KIF26B: variants seen among roughly 807,000 people sequenced by gnomAD.
KIF26B encodes the protein kinesin-like protein KIF26B.
A neutral mutation model predicts 151.2 loss-of-function variants in KIF26B; 63 were observed. That is an observed-to-expected ratio of 0.42 (90% CI 0.34 to 0.51). The LOEUF (loss-of-function observed/expected upper bound fraction) is 0.51. Ranked by LOEUF, KIF26B falls within the 20% of genes least tolerant of loss-of-function variation. KIF26B has a pLI of 0.07. For missense variants in KIF26B, 2,813 were observed against 2,913.6 expected (o/e 0.97, Z 0.79); for synonymous variants, 1,357 against 1,262.1 (o/e 1.08, Z -1.59).
At chr1:245,464,212 C>T (rs1659713429) in intron 4 of KIF26B, among the ~76,000 whole-genome samples, 1 of 152,194 alleles carries the variant, frequency 6.6e-6, no homozygotes, top group South Asian at 2.1e-4. Context: ...ACTGCTAACC[C>T]ATTGAAGACC....
chr1:245,423,463 A>G (rs986374558), intron 4 of KIF26B, among the ~76,000 whole-genome samples: 1 of 148,276 alleles, frequency 6.7e-6, no homozygotes, highest in African/African-American at 2.6e-5. Context: ...ACACAGGAAG[A>G]CACTTTATTA....
At chr1:245,422,572 C>G (rs191107829) in intron 4 of KIF26B, among the ~76,000 whole-genome samples, 1 of 152,118 alleles carries the variant, frequency 6.6e-6, no homozygotes, top group Non-Finnish European at 1.5e-5. Context: ...GTTCAAAGAG[C>G]CTTTTGGTTT....
intron 6 of KIF26B, 98 bp from the exon 7 acceptor site, chr1:245,607,553 G>T: frequency 1.1e-6 from 1 of 922,098 alleles, no homozygotes; most frequent in Non-Finnish European, 1.7e-6. Context: ...AGTGACACTG[G>T]GACCCGAAGC....
chr1:245,163,985 C>CT (rs111743954), intron 2 of KIF26B, among the ~76,000 whole-genome samples: 108 of 152,158 alleles, frequency 7.1e-4, no homozygotes, highest in African/African-American at 2.4e-3. Context: ...AGTGTTTTCT[C>CT]TTTTTTGTTA....
intron 3 of KIF26B, among the ~76,000 whole-genome samples, chr1:245,403,514 G>A (rs1347342982): frequency 6.6e-6 from 1 of 152,016 alleles, no homozygotes; most frequent in Non-Finnish European, 1.5e-5. Context: ...CTTGAGCCTC[G>A]TCCCTTTTGG....
At chr1:245,444,883 C>T (rs1659212504) in intron 4 of KIF26B, among the ~76,000 whole-genome samples, 1 of 152,134 alleles carries the variant, frequency 6.6e-6, no homozygotes, top group South Asian at 2.1e-4. Context: ...TTCTTCGAAA[C>T]CAATAGCCAC....
chr1:245,576,452 CAAG>C (rs1181279365), intron 5 of KIF26B, among the ~76,000 whole-genome samples: 2 of 152,160 alleles, frequency 1.3e-5, no homozygotes, highest in African/African-American at 4.8e-5. Flanking sequence ...TGAGACCCTC[CAAG>C]AAGACCTGTG....
intron 9 of KIF26B, among the ~76,000 whole-genome samples, chr1:245,633,912 C>T (rs1395801552): frequency 1.3e-5 from 2 of 151,950 alleles, no homozygotes; most frequent in African/African-American, 2.4e-5. Flanking sequence ...TTGTAGTGTT[C>T]CTGCCACCTC....
chr1:245,430,254 A>G (rs1215688273), intron 4 of KIF26B, among the ~76,000 whole-genome samples: 1 of 151,860 alleles, frequency 6.6e-6, no homozygotes, highest in Non-Finnish European at 1.5e-5. Flanking sequence ...AGAGGATGCA[A>G]TTTTATCTAG....
chr1:245,372,937 A>T (rs1673162179), intron 3 of KIF26B, among the ~76,000 whole-genome samples: 1 of 152,198 alleles, frequency 6.6e-6, no homozygotes, highest in African/African-American at 2.4e-5. Flanking sequence ...TTCCTACCTC[A>T]TGGGGTGATT....
intron 2 of KIF26B, among the ~76,000 whole-genome samples, chr1:245,306,668 C>T (rs975531913): frequency 6.6e-6 from 1 of 152,280 alleles, no homozygotes; most frequent in African/African-American, 2.4e-5. Flanking sequence ...ACCATCTATA[C>T]ATTTGTAAAC....
intron 3 of KIF26B, among the ~76,000 whole-genome samples, chr1:245,395,783 G>A (rs1263757626): frequency 6.6e-6 from 1 of 152,168 alleles, no homozygotes; most frequent in Non-Finnish European, 1.5e-5. Flanking sequence ...TCACTGCACT[G>A]TGAGCTCCAG....
chr1:245,439,697 G>A (rs1284216607), intron 4 of KIF26B, among the ~76,000 whole-genome samples: 1 of 152,126 alleles, frequency 6.6e-6, no homozygotes, highest in African/African-American at 2.4e-5. Flanking sequence ...AAACATTTTG[G>A]GTAAAATAAT....
chr1:245,386,861 G>A (rs890611377), intron 3 of KIF26B, among the ~76,000 whole-genome samples: 10 of 152,180 alleles, frequency 6.6e-5, no homozygotes, highest in African/African-American at 4.8e-5. Context: ...TGCCCGCTAC[G>A]TGCCAGCGGG....
At chr1:245,533,566 G>A (rs925615228) in intron 4 of KIF26B, among the ~76,000 whole-genome samples, 1 of 152,028 alleles carries the variant, frequency 6.6e-6, no homozygotes, top group Non-Finnish European at 1.5e-5. Context: ...TTACCATATT[G>A]CCTGATTTTC....
chr1:245,457,230 T>C (rs922789665), intron 4 of KIF26B, among the ~76,000 whole-genome samples: 5 of 152,208 alleles, frequency 3.3e-5, no homozygotes, highest in Non-Finnish European at 5.9e-5. Flanking sequence ...CAGTGTTGGT[T>C]AGCAGAGCTA....
At chr1:245,554,362 T>C (rs180769490) in intron 5 of KIF26B, among the ~76,000 whole-genome samples, 1 of 152,360 alleles carries the variant, frequency 6.6e-6, no homozygotes, top group Non-Finnish European at 1.5e-5. Context: ...AGTCCTTATA[T>C]GACTTTTTCC....
chr1:245,614,127 C>G (rs1404344545), intron 9 of KIF26B, among the ~76,000 whole-genome samples: 7 of 152,128 alleles, frequency 4.6e-5, no homozygotes, highest in Non-Finnish European at 1.0e-4. Flanking sequence ...CAGCACGCGT[C>G]TCTTGTTTCT....
chr1:245,169,360 T>TGTGTGTGTGTGC (rs1230032870), intron 2 of KIF26B, among the ~76,000 whole-genome samples: 19 of 151,734 alleles, frequency 1.3e-4, no homozygotes, highest in Non-Finnish European at 2.1e-4. Flanking sequence ...TGTGTGTGTG[T>TGTGTGTGTGTGC]GTGCGCGCAA....
Sources: gnomAD v4.1 joint callset for allele counts (sites outside exome capture counted in the v4.1 genomes callset) on GRCh38, gnomAD v4.1.1 for gene constraint, MANE v1.5 for transcripts, NCBI Gene and HGNC (gene_info 2026-07-23, HGNC 2026-07-21) for gene names.